Variants in P2RY8 observed in about 807,000 individuals in gnomAD.
The protein encoded by P2RY8 is P2Y receptor family member 8, also known as S-geranylgeranyl-glutathione receptor P2RY8.
In P2RY8, 6 loss-of-function variants were observed where a neutral mutation model predicts 10.0. The ratio of observed to expected loss-of-function variants is 0.60; its 90% CI spans 0.33 to 1.19. The LOEUF (loss-of-function observed/expected upper bound fraction) is 1.19. Ranked by LOEUF, P2RY8 falls within the 50% of genes most tolerant of loss-of-function variation. The pLI is 0.04. For synonymous variants in P2RY8, 276 were observed against 252.5 expected (o/e 1.09, Z -0.88); for missense variants, 456 against 542.0 (o/e 0.84, Z 1.58).
At chrX:1,484,111 C>T (rs1171012756) in intron 1 of P2RY8, among the ~76,000 whole-genome samples, 1 of 152,154 alleles carries the variant, frequency 6.6e-6, no homozygotes, top group Non-Finnish European at 1.5e-5. Context: ...AAACCCAAAG[C>T]TGGGCTCCCC....
intron 1 of P2RY8, among the ~76,000 whole-genome samples, chrX:1,519,401 A>G (rs1479431826): frequency 1.3e-5 from 2 of 150,960 alleles, no homozygotes; most frequent in African/African-American, 4.9e-5. Flanking sequence ...CTGGTCCCCA[A>G]TAATCTCCCT....
At chrX:1,474,707 G>C (rs2091855256) in intron 1 of P2RY8, among the ~76,000 whole-genome samples, 1 of 145,522 alleles carries the variant, frequency 6.9e-6, no homozygotes, top group South Asian at 2.3e-4. Context: ...TGGGTGAATG[G>C]ATGTATGATG....
At chrX:1,535,934 C>A (rs2092522960) in intron 1 of P2RY8, among the ~76,000 whole-genome samples, 1 of 152,036 alleles carries the variant, frequency 6.6e-6, no homozygotes, top group African/African-American at 2.4e-5. Context: ...GGTTTCTAAG[C>A]GGACCTGTAC....
chrX:1,480,112 G>C (rs1329921723), intron 1 of P2RY8, among the ~76,000 whole-genome samples: 2 of 152,066 alleles, frequency 1.3e-5, no homozygotes, highest in Non-Finnish European at 2.9e-5. Flanking sequence ...AGAAACACAG[G>C]GAATATCACC....
chrX:1,503,525 C>T (rs2092199630), intron 1 of P2RY8, among the ~76,000 whole-genome samples: 1 of 152,188 alleles, frequency 6.6e-6, no homozygotes, highest in Non-Finnish European at 1.5e-5. Flanking sequence ...CTTCGGGAGG[C>T]CAGGGCGAGC....
At chrX:1,507,597 C>T (rs1457731908) in intron 1 of P2RY8, among the ~76,000 whole-genome samples, 2 of 152,068 alleles carry the variant, frequency 1.3e-5, no homozygotes, top group Non-Finnish European at 2.9e-5. Context: ...AACTGAGGCT[C>T]GGGGCCGTGA....
intron 1 of P2RY8, among the ~76,000 whole-genome samples, chrX:1,522,199 C>T (rs2092398057): frequency 6.6e-6 from 1 of 151,754 alleles, no homozygotes; most frequent in Non-Finnish European, 1.5e-5. Flanking sequence ...AGGTGATCCA[C>T]CCGCCTCAAC....
intron 1 of P2RY8, among the ~76,000 whole-genome samples, chrX:1,485,172 C>T (rs750269343): frequency 6.6e-5 from 10 of 151,696 alleles, no homozygotes; most frequent in Non-Finnish European, 1.2e-4. Flanking sequence ...GTTTCTCACT[C>T]GGTCGTCCAG....
At chrX:1,477,972 C>G (rs5990008) in intron 1 of P2RY8, among the ~76,000 whole-genome samples, 8 of 151,920 alleles carry the variant, frequency 5.3e-5, no homozygotes, top group Admixed American at 2.0e-4. Context: ...AATGCCTGCA[C>G]GTGCCCCTCA....
At chrX:1,531,068 GTCTATCTATCTA>G (rs1231360384) in intron 1 of P2RY8, among the ~76,000 whole-genome samples, 5 of 149,928 alleles carry the variant, frequency 3.3e-5, no homozygotes, top group South Asian at 4.2e-4. Flanking sequence ...CTGTCTGTCT[GTCTATCTATCTA>G]TCTATCTATC....
chrX:1,497,849 G>T (rs1359972727), intron 1 of P2RY8, among the ~76,000 whole-genome samples: 10 of 151,988 alleles, frequency 6.6e-5, no homozygotes, highest in Non-Finnish European at 1.2e-4. Flanking sequence ...AGGCCTGTGG[G>T]TGTCAGACCT....
At chrX:1,527,927 G>GC (rs2092449797) in intron 1 of P2RY8, among the ~76,000 whole-genome samples, 1 of 152,154 alleles carries the variant, frequency 6.6e-6, no homozygotes, top group South Asian at 2.1e-4. Context: ...CAAAGTCACA[G>GC]CCCCTACAGG....
intron 1 of P2RY8, among the ~76,000 whole-genome samples, chrX:1,500,638 T>G (rs1385307968): frequency 6.6e-6 from 1 of 151,746 alleles, no homozygotes; most frequent in African/African-American, 2.4e-5. Flanking sequence ...AGAGACGGGG[T>G]TTCTACTAAA....
intron 1 of P2RY8, among the ~76,000 whole-genome samples, chrX:1,478,246 C>CGTGTGTGTGTGTGTGTGTGTGT (rs1389734508): frequency 2.1e-4 from 29 of 141,154 alleles, no homozygotes; most frequent in Admixed American, 2.8e-4. Context: ...TGCTGGCAGG[C>CGTGTGTGTGTGTGTGTGTGTGT]GTATGTGTGT....
chrX:1,510,393 A>G (rs2149403240), intron 1 of P2RY8, among the ~76,000 whole-genome samples: 1 of 152,260 alleles, frequency 6.6e-6, no homozygotes, highest in Admixed American at 6.5e-5. Flanking sequence ...GATGAACAAT[A>G]TGAAAACTGG....
chrX:1,491,817 G>A (rs2092054490), intron 1 of P2RY8, among the ~76,000 whole-genome samples: 1 of 152,262 alleles, frequency 6.6e-6, no homozygotes, highest in Non-Finnish European at 1.5e-5. Context: ...ATGAATGAAT[G>A]CCACTCTGAG....
At chrX:1,536,242 C>T (rs1463676774) in intron 1 of P2RY8, among the ~76,000 whole-genome samples, 1 of 151,874 alleles carries the variant, frequency 6.6e-6, no homozygotes, top group Non-Finnish European at 1.5e-5. Context: ...AAGAGAGGCG[C>T]ATTTCATGGA....
intron 1 of P2RY8, among the ~76,000 whole-genome samples, chrX:1,503,096 C>T (rs2092195466): frequency 6.6e-6 from 1 of 151,084 alleles, no homozygotes; most frequent in Non-Finnish European, 1.5e-5. Context: ...TGGTAAAAGA[C>T]AGAAGAGGAG....
At chrX:1,493,423 A>AAGAG (rs1222388771) in intron 1 of P2RY8, among the ~76,000 whole-genome samples, 23 of 4,574 alleles carry the variant, frequency 5.0e-3, no homozygotes, top group Non-Finnish European at 0.012. Context: ...GGAAGGAGGA[A>AAGAG]GGAGGAGGGA....
Sources: gnomAD v4.1 joint callset for allele counts (sites outside exome capture counted in the v4.1 genomes callset) on GRCh38, gnomAD v4.1.1 for gene constraint, MANE v1.5 for transcripts, NCBI Gene and HGNC (gene_info 2026-07-23, HGNC 2026-07-21) for gene names.